METTL17: variants seen among roughly 807,000 people sequenced by gnomAD.
The protein encoded by METTL17 is methyltransferase like 17.
A neutral mutation model predicts 59.4 loss-of-function variants in METTL17; 49 were observed. The ratio of observed to expected loss-of-function variants is 0.82; its 90% confidence interval spans 0.66 to 1.05. The LOEUF (loss-of-function observed/expected upper bound fraction) is 1.05, where lower values mean the gene tolerates loss of function less well. Ranked by LOEUF, METTL17 falls within the 50% of genes least tolerant of loss-of-function variation. The probability of loss-of-function intolerance (pLI) is 0.00; values close to 1 mark genes in which losing one functional copy is unlikely to be tolerated. For missense variants in METTL17, 555 were observed against 578.4 expected, an observed-to-expected ratio of 0.96 and a Z score of 0.41; for synonymous variants, 208 against 209.2, an observed-to-expected ratio of 0.99 and a Z score of 0.05.
Position 20,992,541 on chromosome 14 carries a change from C to A in METTL17, c.447C>A (p.Ser149Arg), listed in dbSNP as rs200172753. ...TACAACTCTGTGATTTTAATGGCAG[C>A]TACACTGAGGGACTGAGCCTGGTGT... is the stretch of plus-strand genomic sequence containing the variant. ...RKTTYHWQELSYTEGLSLVYM... is the reference protein window; with the variant it reads ...RKTTYHWQELRYTEGLSLVYM... The change falls in exon 5 of 14, where the codon AGC becomes AGA. Residue 149 changes from serine to arginine, a missense_variant and splice_region_variant. Transcript: ENST00000339374. The A allele has an allele frequency of 1.2e-6, 2 of 1,610,882 alleles. No individual in the cohort carries two copies. Among genetic ancestry groups the A allele is most frequent in the Admixed American group, 1.7e-5 (1 of 59,988 alleles).
At chr14:20,990,688 C>CT (rs1879982773) in intron 3 of METTL17, 90 bp downstream of exon 3, 1 of 1,481,386 alleles carries the variant, frequency 6.8e-7, no homozygotes, top group Admixed American at 2.1e-5. Context: ...CTCTCAGATA[C>CT]TGAAGTCTCT....
At chr14:20,994,942 C>A in intron 9 of METTL17, 41 bp downstream of exon 9, 1 of 1,492,140 alleles carries the variant, frequency 6.7e-7, no homozygotes, top group Non-Finnish European at 9.3e-7. Flanking sequence ...CTTGAAGCAG[C>A]TTCATGGATT....
chr14:20,990,854 C>G (rs1048042721), intron 3 of METTL17: 1 of 468,864 alleles, frequency 2.1e-6, no homozygotes, highest in East Asian at 4.3e-5. Flanking sequence ...TGCTTTGAGA[C>G]AGAGTCTTGC....
At chr14:20,996,161 G>C (rs1178882564) in intron 11 of METTL17, 48 bp from the exon 12 acceptor site, 4 of 1,555,132 alleles carry the variant, frequency 2.6e-6, no homozygotes, top group Non-Finnish European at 3.5e-6. Context: ...TTTAAGTTTT[G>C]TGATTGATGG....
chr14:20,996,268 G>A lies in METTL17; in HGVS notation c.1056G>A (p.Ala352=), dbSNP rs138028455. The A allele has an allele frequency of 5.3e-5, 85 of 1,614,036 alleles. No homozygotes were observed. The African/African-American group carries it at 5.5e-4, about 10-fold the overall frequency. Residue 352 remains alanine (A), a synonymous_variant, in exon 12 of 14, where the codon GCG becomes GCA. Coordinates refer to ENST00000339374, the MANE Select transcript of METTL17 (RefSeq NM_022734.3). ...ACCTGGCCTGTAGCTTCTCACAGGCGTACCATCCCATCCCCTTCAGCTGGG... is the reference window on the plus strand; with the variant it reads ...ACCTGGCCTGTAGCTTCTCACAGGCATACCATCCCATCCCCTTCAGCTGGG... ...LTNLACSFSQ[A]YHPIPFSWNK...
At chr14:20,991,666 GA>G (rs1880033292) in intron 3 of METTL17, 1 of 181,658 alleles carries the variant, frequency 5.5e-6, no homozygotes. Context: ...AAGTAGCTGG[GA>G]ATACAGGTGC....
intron 4 of METTL17, 147 bp from the exon 5 acceptor site, chr14:20,992,394 T>C (rs1004318772): frequency 1.3e-6 from 1 of 750,230 alleles, no homozygotes; most frequent in Admixed American, 2.9e-5. Context: ...TTAGTGTTTG[T>C]AAGTCTCCCC....
Position 20,990,614 on chromosome 14 carries a change from A to G in METTL17, c.364+16A>G. 6.2e-7 allele frequency: 1 copy of G among 1,612,744 alleles called. No individual in the cohort carries two copies. Among genetic ancestry groups the G allele is most frequent in the Non-Finnish European group, 8.5e-7 (1 of 1,179,660 alleles). On this transcript the variant is annotated intron_variant, in intron 3 of 13. Transcript: ENST00000339374. The stretch of plus-strand genomic sequence containing the variant: ...GAAAACCCAGGTAGGACTTAAGAAT[A>G]ATTAAAAAGTGGGCGAGATTGAAAT...
intron 6 of METTL17, 143 bp downstream of exon 6, chr14:20,993,334 C>T (rs1880142329): frequency 1.4e-6 from 1 of 695,796 alleles, no homozygotes; most frequent in East Asian, 2.5e-5. Flanking sequence ...TCAGATTAGG[C>T]AAGGCAGAAG....
intron 3 of METTL17, among the ~76,000 whole-genome samples, chr14:20,990,898 T>C (rs748696478): frequency 2.5e-4 from 38 of 152,142 alleles, no homozygotes; most frequent in Non-Finnish European, 4.7e-4. Flanking sequence ...ATGCTCGATC[T>C]CGGCTCACTG....
chr14:20,993,997 C>G lies in METTL17; in HGVS notation c.631C>G (p.Leu211Val). 1 of 1,613,588 alleles carries G rather than the reference C, an allele frequency of 6.2e-7. No homozygotes were observed. Among genetic ancestry groups the G allele is most frequent in the Non-Finnish European group, 8.5e-7 (1 of 1,179,822 alleles). ...WAAHSIWGQSLREYMCVDRSA... is the reference protein window; with the variant it reads ...WAAHSIWGQSVREYMCVDRSA... ...TGCTCACAGTATTTGGGGCCAGAGC[C>G]TACGTGAATATATGTGTGTGGACAG... Residue 211 changes from leucine (L) to valine (V), a missense_variant, in exon 7 of 14, where the codon CTA (leucine) becomes GTA (valine). Transcript: ENST00000339374.
Position 20,996,111 on chromosome 14 carries a change from C to T in METTL17, c.997-98C>T, listed in dbSNP as rs1594344826. ...TCTTCCTACCCACTGCTCCTGTCCT[C>T]CCTTCTCCCTGGCCCCTTTTGACTC... On this transcript the variant is annotated intron_variant, in intron 11 of 13. Transcript: ENST00000339374. 20 of 1,292,128 alleles carry T rather than the reference C, an allele frequency of 1.5e-5. No homozygotes were observed. In the East Asian group the frequency reaches 4.4e-4, roughly 28 times the overall value. The allele number at this position is 1,292,128 out of a possible 1,614,324, so 80.0% of individuals were successfully genotyped here.
In METTL17 at chr14:20,995,931, C is replaced by A; in HGVS notation, c.976C>A (p.Pro326Thr). The A allele has an allele frequency of 6.2e-7, 1 of 1,614,124 alleles. No homozygotes were observed. Among genetic ancestry groups the A allele is most frequent in the Non-Finnish European group, 8.5e-7 (1 of 1,180,022 alleles). Residue 326 changes from proline (P) to threonine (T), a missense_variant, in exon 11 of 14, where the codon CCT becomes ACT. Pro to Thr is a conservative substitution (Grantham distance 38, BLOSUM62 -1). Coordinates refer to ENST00000339374, the MANE Select transcript of METTL17 (RefSeq NM_022734.3). ...AGAGAAGTCACCTTTGGACCCTCGA[C>A]CTGGTTTTGTCTTTGCCCCGGTGAG... is the stretch of plus-strand genomic sequence containing the variant. The part of the protein sequence containing the change: ...GKEKSPLDPR[P>T]GFVFAPCPHE...
chr14:20,994,751 G>A (rs1264541278), intron 8 of METTL17, 43 bp from the exon 9 acceptor site: 2 of 1,552,846 alleles, frequency 1.3e-6, no homozygotes, highest in African/African-American at 2.7e-5. Context: ...TTCTTGGGAT[G>A]TAGAGATGTT....
chr14:20,992,288 T>C (rs1880073536), intron 4 of METTL17, 83 bp downstream of exon 4: 2 of 891,154 alleles, frequency 2.2e-6, no homozygotes, highest in Non-Finnish European at 3.6e-6. Flanking sequence ...ACACAATCAA[T>C]TTAGTATTTT....
At chr14:20,996,381 T>C (rs2138742981) in intron 12 of METTL17, 89 bp downstream of exon 12, 1 of 1,515,718 alleles carries the variant, frequency 6.6e-7, no homozygotes, top group South Asian at 1.2e-5. Context: ...TTGGATAATT[T>C]GTAGAATAGC....
At chr14:20,996,748 A>G (rs1880407241) in intron 13 of METTL17, 37 bp downstream of exon 13, 2 of 1,614,118 alleles carry the variant, frequency 1.2e-6, no homozygotes, top group African/African-American at 1.3e-5. Flanking sequence ...GGGATGTGGC[A>G]GGAAGCTGCA....
intron 7 of METTL17, 111 bp from the exon 8 acceptor site, chr14:20,994,432 T>C: frequency 1.1e-6 from 1 of 945,796 alleles, no homozygotes; most frequent in Non-Finnish European, 1.7e-6. Context: ...ATCCCTGCCC[T>C]TTTTGATATA....
At chr14:20,993,235 A>G (rs755005885) in intron 6 of METTL17, 44 bp downstream of exon 6, 125 of 1,537,454 alleles carry the variant, frequency 8.1e-5, no homozygotes, top group Non-Finnish European at 1.0e-4. Context: ...TTTTAGCTCT[A>G]GAAAGCCATA....
Sources: gnomAD v4.1 joint callset for allele counts (sites outside exome capture counted in the v4.1 genomes callset) on GRCh38, gnomAD v4.1.1 for gene constraint, MANE v1.5 for transcripts, NCBI Gene and HGNC (gene_info 2026-07-23, HGNC 2026-07-21) for gene names.